The following MYPN variants were observed in gnomAD, a reference collection of about 807,000 sequenced individuals.
MYPN encodes sarcomeric protein myopalladin, 145 kDa (MYOP).
In MYPN, 63 loss-of-function variants were observed where a neutral mutation model predicts 129.4. The ratio of observed to expected loss-of-function variants is 0.49; its 90% CI spans 0.40 to 0.60. MYPN has a LOEUF of 0.60. Among genes scored for constraint, MYPN ranks in the 20% least tolerant of loss-of-function variants. The pLI is 0.00. For missense variants in MYPN, 1,596 were observed against 1,635.4 expected (o/e 0.98, Z 0.42); for synonymous variants, 629 against 600.9 (o/e 1.05, Z -0.68).
intron 9 of MYPN, among the ~76,000 whole-genome samples, 155 bp from the exon 10 acceptor site, chr10:68,166,139 C>T (rs2043049477): frequency 6.6e-6 from 1 of 152,050 alleles, no homozygotes; most frequent in South Asian, 2.1e-4. Context: ...TTTCCTGTAT[C>T]CTTACCATTC....
intron 5 of MYPN, 133 bp from the exon 6 acceptor site, chr10:68,149,907 C>T (rs778918914): frequency 1.0e-5 from 8 of 784,120 alleles, no homozygotes; most frequent in African/African-American, 3.4e-5. Flanking sequence ...GTCTGTGATT[C>T]ATAAACTTAG....
At chr10:68,113,836 G>A (rs767718395) in intron 1 of MYPN, among the ~76,000 whole-genome samples, 11 of 152,056 alleles carry the variant, frequency 7.2e-5, no homozygotes, top group Non-Finnish European at 1.2e-4. Context: ...ATTTTGCAAC[G>A]ATTAAATCAA....
rs774766927 is a variant in MYPN at position 68,121,455 on chromosome 10, T to C, written c.17T>C (p.Ile6Thr). 2 of 1,612,632 alleles carry C rather than the reference T, an allele frequency of 1.2e-6. No individual in the cohort carries two copies. Among genetic ancestry groups the C allele is most frequent in the South Asian group, 2.2e-5 (2 of 90,866 alleles). The change falls in exon 2 of 20, where the codon ATA (isoleucine) becomes ACA (threonine). Residue 6 changes from isoleucine to threonine, a missense_variant. Coordinates refer to ENST00000358913, the MANE Select transcript of MYPN (RefSeq NM_032578.4). ...TGTGACAGCATGCAAGACGACAGCA[T>C]AGAAGCTTCTACTTCCATATCTCAG... is the stretch of plus-strand genomic sequence containing the variant. MQDDS[I>T]EASTSISQLL...
Position 68,197,338 on chromosome 10 carries a change from G to A in MYPN, c.3159-14G>A, listed in dbSNP as rs1375823230. On this transcript the variant is annotated splice_polypyrimidine_tract_variant and intron_variant, in intron 15 of 19. Transcript: ENST00000358913. The stretch of plus-strand genomic sequence containing the variant: ...ATTTCTATGTTTAATATCTGAACAT[G>A]CTTGTTGTTATAGGGGAAGATCCCG... The A allele has an allele frequency of 6.2e-7, 1 of 1,612,038 alleles. No individual in the cohort carries two copies. Among genetic ancestry groups the A allele is most frequent in the Non-Finnish European group, 8.5e-7 (1 of 1,178,848 alleles).
chr10:68,186,967 G>C (rs998891801), intron 12 of MYPN, among the ~76,000 whole-genome samples: 1 of 152,094 alleles, frequency 6.6e-6, no homozygotes, highest in Non-Finnish European at 1.5e-5. Flanking sequence ...AGGAATCCAG[G>C]ATGAGTCCTA....
chr10:68,144,134 G>A (rs1427319870), intron 3 of MYPN, among the ~76,000 whole-genome samples: 3 of 152,118 alleles, frequency 2.0e-5, no homozygotes, highest in African/African-American at 4.8e-5. Context: ...GGTACCATCT[G>A]GGAACACTGG....
chr10:68,197,597 G>T, intron 16 of MYPN, 119 bp downstream of exon 16: 1 of 1,215,398 alleles, frequency 8.2e-7, no homozygotes, highest in Admixed American at 2.1e-5. Context: ...AGATGGGGAA[G>T]GGAGACAGAT....
At chr10:68,182,471 T>TATATACACACAC (rs780542025) in intron 12 of MYPN, among the ~76,000 whole-genome samples, 10 of 104,672 alleles carry the variant, frequency 9.6e-5, no homozygotes, top group Admixed American at 3.2e-4. Flanking sequence ...ATAACATATA[T>TATATACACACAC]ACACACACAC....
intron 2 of MYPN, among the ~76,000 whole-genome samples, chr10:68,142,202 T>C (rs2042588629): frequency 6.6e-6 from 1 of 152,244 alleles, no homozygotes; most frequent in African/African-American, 2.4e-5. Flanking sequence ...TTTAGAGTTT[T>C]GCCAATCTTC....
At chr10:68,110,155 G>T (rs922408050) in intron 1 of MYPN, among the ~76,000 whole-genome samples, 1 of 152,110 alleles carries the variant, frequency 6.6e-6, no homozygotes, top group Non-Finnish European at 1.5e-5. Context: ...AAAAGGATAC[G>T]CTTGCTATAT....
upstream of MYPN, chr10:68,106,886 A>T: frequency 1.4e-6 from 1 of 704,304 alleles, no homozygotes; most frequent in Non-Finnish European, 2.6e-6. Flanking sequence ...ACCACAAGAA[A>T]CACATGTGTT....
chr10:68,174,568 C>G lies in MYPN; in HGVS notation c.2476C>G (p.Pro826Ala), dbSNP rs546434497. 1 of 1,614,150 alleles carries G rather than the reference C, an allele frequency of 6.2e-7. No individual in the cohort carries two copies. Among genetic ancestry groups the G allele is most frequent in the Non-Finnish European group, 8.5e-7 (1 of 1,180,020 alleles). ...CTCTCCTACCAGCCGGATTCAGAACCCAGTGGCTTTCCTCAGCTCTGTTCT... is the reference window on the plus strand; with the variant it reads ...CTCTCCTACCAGCCGGATTCAGAACGCAGTGGCTTTCCTCAGCTCTGTTCT... Reference protein sequence around the residue: ...PVSPTSRIQNPVAFLSSVLPS... With the variant: ...PVSPTSRIQNAVAFLSSVLPS... Residue 826 changes from proline to alanine, a missense_variant, in exon 11 of 20, where the codon CCA becomes GCA. Coordinates refer to ENST00000358913, the MANE Select transcript of MYPN (RefSeq NM_032578.4).
intron 12 of MYPN, among the ~76,000 whole-genome samples, chr10:68,187,436 A>T (rs1245761210): frequency 6.6e-6 from 1 of 152,188 alleles, no homozygotes; most frequent in African/African-American, 2.4e-5. Context: ...ACTTTACAAA[A>T]GTGCAGCCTG....
chr10:68,195,431 C>G lies in MYPN; in HGVS notation c.3076-19C>G. 1 of 1,610,300 alleles carries G rather than the reference C, an allele frequency of 6.2e-7. No homozygotes were observed. Among genetic ancestry groups the G allele is most frequent in the Non-Finnish European group, 8.5e-7 (1 of 1,176,618 alleles). On this transcript the variant is annotated intron_variant, in intron 14 of 19. Coordinates refer to ENST00000358913, the MANE Select transcript of MYPN (RefSeq NM_032578.4). Reference sequence around the variant, plus strand: ...TGAGATTGTTCTTGTTTTAATCTTGCTCTTTTTCTGTTTGTCAGGGGAGAA... The same window carrying G: ...TGAGATTGTTCTTGTTTTAATCTTGGTCTTTTTCTGTTTGTCAGGGGAGAA...
upstream of MYPN, chr10:68,106,928 T>G: frequency 1.5e-6 from 1 of 647,228 alleles, no homozygotes; most frequent in Non-Finnish European, 2.8e-6. Context: ...GGGGAAGGCT[T>G]AAGACATGTA....
At chr10:68,109,313 A>G (rs1339692545), upstream of MYPN, 1 of 280,148 alleles carries the variant, frequency 3.6e-6, no homozygotes, top group Admixed American at 4.1e-5. Flanking sequence ...CAATCAATAA[A>G]TAACATGGGC....
chr10:68,163,491 T>C (rs2043009967), intron 8 of MYPN, among the ~76,000 whole-genome samples: 1 of 151,690 alleles, frequency 6.6e-6, no homozygotes, highest in East Asian at 1.9e-4. Flanking sequence ...TAGCCCGGCG[T>C]GGTGGCGGAT....
Position 68,118,972 on chromosome 10 carries a change from G to C in MYPN, c.-1-2466G>C, listed in dbSNP as rs186506667. ...AACAGTAATGTCCAATGAATAGAGAGAAAGCCATCCTGATTTATAAGGCAC... is the reference window on the plus strand; with the variant it reads ...AACAGTAATGTCCAATGAATAGAGACAAAGCCATCCTGATTTATAAGGCAC... On this transcript the variant is annotated intron_variant, in intron 1 of 19. Coordinates refer to ENST00000358913, the MANE Select transcript of MYPN (RefSeq NM_032578.4). Among the ~76,000 whole-genome samples, 5 of 152,154 alleles carry C rather than the reference G, an allele frequency of 3.3e-5. No individual in the cohort carries two copies. The East Asian group carries it at 7.7e-4, about 23-fold the overall frequency.
intron 13 of MYPN, among the ~76,000 whole-genome samples, chr10:68,191,934 C>A (rs1274212986): frequency 6.6e-6 from 1 of 152,078 alleles, no homozygotes; most frequent in Non-Finnish European, 1.5e-5. Flanking sequence ...AATATAAGAT[C>A]ATGTCATCTG....
Sources: gnomAD v4.1 joint callset for allele counts (sites outside exome capture counted in the v4.1 genomes callset) on GRCh38, gnomAD v4.1.1 for gene constraint, MANE v1.5 for transcripts, NCBI Gene and HGNC (gene_info 2026-07-23, HGNC 2026-07-21) for gene names.